Variants in PVT1 observed in about 807,000 individuals in gnomAD.
PVT1 encodes CXCR4/PVT1 fusion.
chr8:128,033,550 A>G (rs1813424500), intron 4 of PVT1, among the ~76,000 whole-genome samples: 1 of 152,230 alleles, frequency 6.6e-6, no homozygotes, highest in African/African-American at 2.4e-5. Flanking sequence ...AACATAGCAG[A>G]GGATTTTTCG....
At chr8:128,031,105 C>T (rs1392727149) in intron 4 of PVT1, among the ~76,000 whole-genome samples, 2 of 152,236 alleles carry the variant, frequency 1.3e-5, no homozygotes, top group Non-Finnish European at 2.9e-5. Flanking sequence ...CTGGGGTCGG[C>T]GCACCTGGCC....
chr8:128,017,376 C>T (rs564522938), intron 4 of PVT1, among the ~76,000 whole-genome samples: 4 of 152,128 alleles, frequency 2.6e-5, no homozygotes, highest in Admixed American at 6.5e-5. Flanking sequence ...TTCTGCTGCC[C>T]GGTTCCTGAG....
intron 4 of PVT1, among the ~76,000 whole-genome samples, chr8:128,000,239 C>G (rs1817159849): frequency 6.6e-6 from 1 of 152,224 alleles, no homozygotes; most frequent in African/African-American, 2.4e-5. Context: ...GAGGATGAAA[C>G]AGTTGACGTA....
intron 3 of PVT1, among the ~76,000 whole-genome samples, chr8:127,917,446 A>T (rs1439438816): frequency 2.6e-5 from 4 of 152,208 alleles, no homozygotes; most frequent in Admixed American, 1.3e-4. Context: ...GATCCCTTTC[A>T]TGAGGGTTAT....
chr8:127,975,183 G>C (rs1301328883), intron 3 of PVT1, among the ~76,000 whole-genome samples: 1 of 152,084 alleles, frequency 6.6e-6, no homozygotes, highest in African/African-American at 2.4e-5. Flanking sequence ...ATTCTCAGCA[G>C]GATTATTGAG....
chr8:127,901,165 G>A (rs1563634345), intron 3 of PVT1, among the ~76,000 whole-genome samples: 1 of 152,228 alleles, frequency 6.6e-6, no homozygotes, highest in Admixed American at 6.5e-5. Flanking sequence ...TGGACATGGA[G>A]GTCCCAGGCA....
chr8:127,931,234 T>G (rs563636506), intron 3 of PVT1, among the ~76,000 whole-genome samples: 1 of 152,324 alleles, frequency 6.6e-6, no homozygotes, highest in African/African-American at 2.4e-5. Context: ...ATTTCCAAGC[T>G]TATCTCCTCT....
intron 4 of PVT1, among the ~76,000 whole-genome samples, chr8:128,023,501 A>T (rs527419473): frequency 5.8e-4 from 89 of 152,354 alleles, no homozygotes; most frequent in African/African-American, 2.1e-3. Context: ...AACTATTACT[A>T]TTACAATAGT....
chr8:128,023,790 CTACGGAGTAA>C (rs1212911249), intron 4 of PVT1, among the ~76,000 whole-genome samples: 1 of 152,112 alleles, frequency 6.6e-6, no homozygotes, highest in Non-Finnish European at 1.5e-5. Flanking sequence ...GTCGATTGAT[CTACGGAGTAA>C]TTTGGGTCCC....
chr8:128,007,901 T>C (rs1304237475), intron 4 of PVT1, among the ~76,000 whole-genome samples: 1 of 152,228 alleles, frequency 6.6e-6, no homozygotes, highest in Non-Finnish European at 1.5e-5. Context: ...CTTAACAAAG[T>C]ATGTTAGTTG....
In PVT1 at chr8:127,926,283, G is replaced by A. The variant is rs150544087; in HGVS notation, n.782+35285G>A. On this transcript the variant is annotated intron_variant and non_coding_transcript_variant, in intron 3 of 10. Coordinates refer to ENST00000651587, the Ensembl canonical transcript of PVT1. ...GGGGCTGTTATCATGCCTGAGCATC[G>A]CACAGTCCCTCCGTTGTGACTAATT... 4.2e-3 allele frequency among the ~76,000 whole-genome samples: 635 copies of A among 152,262 alleles called. 4 individuals are homozygous for A. The highest frequency in any genetic ancestry group is 0.014 in the African/African-American group (588 of 41,540).
intron 2 of PVT1, among the ~76,000 whole-genome samples, chr8:127,882,939 A>G (rs1256162456): frequency 6.6e-6 from 1 of 152,154 alleles, no homozygotes; most frequent in Non-Finnish European, 1.5e-5. Flanking sequence ...TCTTGCTGGT[A>G]CTAAAATTAA....
intron 4 of PVT1, among the ~76,000 whole-genome samples, chr8:128,046,444 T>A (rs992021799): frequency 1.3e-5 from 2 of 152,234 alleles, no homozygotes; most frequent in Non-Finnish European, 2.9e-5. Flanking sequence ...GGCCTCTGTT[T>A]AAGCCACTGC....
At chr8:127,908,883 G>T (rs947943664) in intron 3 of PVT1, among the ~76,000 whole-genome samples, 1 of 152,154 alleles carries the variant, frequency 6.6e-6, no homozygotes, top group Admixed American at 6.5e-5. Flanking sequence ...GTCACCCTCC[G>T]CCTCTGTCTC....
chr8:127,829,958 A>G (rs149531483), intron 2 of PVT1, among the ~76,000 whole-genome samples: 2 of 152,182 alleles, frequency 1.3e-5, no homozygotes, highest in Non-Finnish European at 2.9e-5. Context: ...TTGTGGCTGC[A>G]GCAATCTGCC....
chr8:127,935,434 T>C (rs939326171), intron 3 of PVT1, among the ~76,000 whole-genome samples: 1 of 152,054 alleles, frequency 6.6e-6, no homozygotes, highest in African/African-American at 2.4e-5. Flanking sequence ...TCAGGGTGTG[T>C]GTGTGTGTGT....
chr8:127,952,997 C>G lies in PVT1; in HGVS notation n.783-36165C>G, dbSNP rs1256619845. Among the ~76,000 whole-genome samples, 7 of 152,080 alleles carry G rather than the reference C, an allele frequency of 4.6e-5. 1 individual carries two copies. In the East Asian group the frequency reaches 1.3e-3, roughly 29 times the overall value. ...GCCAGGATGGTCTCGATCTCCTGCC[C>G]TCGTGATCCGCCCGCCTTGGCCTCC... On this transcript the variant is annotated intron_variant and non_coding_transcript_variant, in intron 3 of 10. Transcript: ENST00000651587.
intron 4 of PVT1, among the ~76,000 whole-genome samples, chr8:128,028,797 C>A (rs780909651): frequency 6.6e-6 from 1 of 152,070 alleles, no homozygotes; most frequent in Admixed American, 6.6e-5. Flanking sequence ...CTAAAAGACT[C>A]GTGTGAAAGA....
chr8:127,797,581 C>T (rs953944727), intron 2 of PVT1, among the ~76,000 whole-genome samples: 1 of 152,168 alleles, frequency 6.6e-6, no homozygotes, highest in Non-Finnish European at 1.5e-5. Context: ...CAGGAGCCCC[C>T]TTTGTCTCTT....
Sources: allele counts gnomAD v4.1 joint callset (sites outside exome capture counted in the v4.1 genomes callset), GRCh38; gene constraint gnomAD v4.1.1; transcripts MANE v1.5; gene names NCBI Gene and HGNC (gene_info 2026-07-23, HGNC 2026-07-21).